Variants in STK32C observed in about 807,000 individuals in gnomAD.
STK32C encodes serine/threonine kinase 32C.
A neutral mutation model predicts 56.5 loss-of-function variants in STK32C; 31 were observed. The ratio of observed to expected loss-of-function variants is 0.55; its 90% CI spans 0.41 to 0.74. The LOEUF is 0.74. Among genes scored for constraint, STK32C ranks in the 30% least tolerant of loss-of-function variants. The pLI, the probability that STK32C is intolerant of heterozygous loss-of-function variation, is 0.00. For missense variants in STK32C, 544 were observed against 676.9 expected, an observed-to-expected ratio of 0.80 and a Z score of 2.18; for synonymous variants, 309 against 289.4, an observed-to-expected ratio of 1.07 and a Z score of -0.69.
chr10:132,290,994 C>T (rs1475452774), intron 1 of STK32C, among the ~76,000 whole-genome samples: 1 of 152,246 alleles, frequency 6.6e-6, no homozygotes, highest in Non-Finnish European at 1.5e-5. Context: ...GCTGCCTTGG[C>T]TCTCCCCTGC....
upstream of STK32C, among the ~76,000 whole-genome samples, chr10:132,308,592 C>A: frequency 6.6e-6 from 1 of 151,918 alleles, no homozygotes; most frequent in Admixed American, 6.5e-5. Flanking sequence ...CAGGGCGGGC[C>A]TGGCTGCGCG....
chr10:132,224,472 A>T lies in STK32C; in HGVS notation c.928T>A (p.Phe310Ile). 1 of 1,580,698 alleles carries T rather than the reference A, an allele frequency of 6.3e-7. No individual in the cohort carries two copies. Among genetic ancestry groups the T allele is most frequent in the Non-Finnish European group, 8.6e-7 (1 of 1,163,482 alleles). ...SNAVESLVQL[F>I]STVSVQYVPT... ...ACATACTGGACGCTCACGGTGCTGA[A>T]CAGCTGCACCAGGGACTCCACGGCG... Residue 310 changes from phenylalanine to isoleucine, a missense_variant, in exon 8 of 12, where the codon TTC becomes ATC. Phe to Ile is a conservative substitution (Grantham distance 21). Coordinates refer to ENST00000298630, the MANE Select transcript of STK32C (RefSeq NM_173575.4).
rs1390199890 is a variant in STK32C, at chr10:132,259,409, G to A, written c.263-13454C>T. On this transcript the variant is annotated intron_variant, in intron 1 of 11. Coordinates refer to ENST00000298630, the MANE Select transcript of STK32C (RefSeq NM_173575.4). ...TGGGAGGTGACTGGGTCAACGGGGC[G>A]GAGATCCCCCTTGCTGTTCTCGTGA... 1.1e-4 allele frequency among the ~76,000 whole-genome samples: 17 copies of A among 152,134 alleles called. 1 individual carries two copies. The highest frequency in any genetic ancestry group is 4.1e-4 in the African/African-American group (17 of 41,426).
chr10:132,292,164 A>C (rs999150350), intron 1 of STK32C, among the ~76,000 whole-genome samples: 2 of 152,162 alleles, frequency 1.3e-5, no homozygotes, highest in Non-Finnish European at 2.9e-5. Flanking sequence ...TTGGAGGCAG[A>C]CTGCCACCCT....
chr10:132,318,343 C>T (rs1296247995), intron 1 of STK32C, among the ~76,000 whole-genome samples: 1 of 151,792 alleles, frequency 6.6e-6, no homozygotes, highest in Non-Finnish European at 1.5e-5. Flanking sequence ...AAACCAGGCA[C>T]GGTGGCTCAC....
Position 132,307,798 on chromosome 10 carries a change from G to T in STK32C, c.36C>A (p.Ala12=). The part of the protein sequence containing the change: ...RSGAERRGSS[A]AASPGSPPPG... Reference sequence around the variant, plus strand: ...GGGGCGGCGAGCCCGGGGACGCCGCGGCGCTGCTGCCCCTGCGCTCGGCGC... The same window carrying T: ...GGGGCGGCGAGCCCGGGGACGCCGCTGCGCTGCTGCCCCTGCGCTCGGCGC... Residue 12 remains alanine, a synonymous_variant, in exon 1 of 12, where the codon GCC becomes GCA. Coordinates refer to ENST00000298630, the MANE Select transcript of STK32C (RefSeq NM_173575.4). This position sits in a 1 kb window ranked among gnomAD's most constrained non-coding sequence, Gnocchi z 4.4. The T allele has an allele frequency of 1.0e-6, 1 of 1,001,464 alleles. No homozygotes were observed. The highest frequency in any genetic ancestry group is 4.2e-5 in the South Asian group (1 of 24,046). The allele number at this position is 1,001,464 out of a possible 1,614,324, so 62.0% of individuals were successfully genotyped here.
At chr10:132,245,501 G>A (rs1184729733) in intron 2 of STK32C, among the ~76,000 whole-genome samples, 1 of 152,256 alleles carries the variant, frequency 6.6e-6, no homozygotes, top group Non-Finnish European at 1.5e-5. Flanking sequence ...CACTCTGGAC[G>A]GGGCTGGAGA....
At chr10:132,325,460 G>A (rs1441015773) in intron 1 of STK32C, among the ~76,000 whole-genome samples, 2 of 151,764 alleles carry the variant, frequency 1.3e-5, no homozygotes, top group African/African-American at 4.8e-5. Flanking sequence ...GGCTGAGGCA[G>A]GAGAATGGCG....
At chr10:132,230,356 A>G (rs1045170596) in intron 2 of STK32C, among the ~76,000 whole-genome samples, 2 of 152,144 alleles carry the variant, frequency 1.3e-5, no homozygotes, top group Non-Finnish European at 2.9e-5. Flanking sequence ...CCTTCCTCCC[A>G]TGCACACGGC....
At chr10:132,329,862 T>C (rs2066603318) in intron 1 of STK32C, among the ~76,000 whole-genome samples, 1 of 152,216 alleles carries the variant, frequency 6.6e-6, no homozygotes, top group Non-Finnish European at 1.5e-5. Flanking sequence ...AACCAACTTA[T>C]ACTCAGAAAT....
At chr10:132,288,005 C>T (rs974769000) in intron 1 of STK32C, among the ~76,000 whole-genome samples, 19 of 151,860 alleles carry the variant, frequency 1.3e-4, no homozygotes, top group African/African-American at 4.4e-4. Flanking sequence ...GACGGCCATA[C>T]AGGTCAACAG....
intron 1 of STK32C, among the ~76,000 whole-genome samples, chr10:132,278,942 G>A (rs966154845): frequency 1.1e-4 from 16 of 152,010 alleles, no homozygotes; most frequent in African/African-American, 3.6e-4. Flanking sequence ...TGTCAGACCC[G>A]AGACTGCCCT....
intron 1 of STK32C, among the ~76,000 whole-genome samples, chr10:132,316,827 T>C (rs1170498971): frequency 6.6e-6 from 1 of 152,074 alleles, no homozygotes; most frequent in Non-Finnish European, 1.5e-5. Flanking sequence ...AGGCAAAGGC[T>C]GGTGGATCAC....
intron 1 of STK32C, among the ~76,000 whole-genome samples, chr10:132,265,224 C>CTCA (rs2064472469): frequency 1.0e-4 from 13 of 127,214 alleles, no homozygotes; most frequent in African/African-American, 4.6e-4. Context: ...GGGGAGCTGC[C>CTCA]AGGGCAGCGA....
At chr10:132,262,651 G>A (rs887725284) in intron 1 of STK32C, among the ~76,000 whole-genome samples, 2 of 150,578 alleles carry the variant, frequency 1.3e-5, no homozygotes, top group African/African-American at 2.4e-5. Flanking sequence ...AGTGGCTCAC[G>A]CCTGTAATCC....
intron 2 of STK32C, among the ~76,000 whole-genome samples, chr10:132,229,416 G>A (rs1405611018): frequency 6.6e-6 from 1 of 152,234 alleles, no homozygotes; most frequent in African/African-American, 2.4e-5. Flanking sequence ...AGGATTGCTT[G>A]AGCCTGAGAG....
At chr10:132,273,840 A>G (rs796364954) in intron 1 of STK32C, among the ~76,000 whole-genome samples, 10,852 of 128,530 alleles carry the variant, frequency 0.084, 439 homozygotes, top group African/African-American at 0.13. Context: ...GAATGAGTGA[A>G]TGAACGCACA....
At chr10:132,301,872 C>T (rs560576114) in intron 1 of STK32C, among the ~76,000 whole-genome samples, 14 of 152,352 alleles carry the variant, frequency 9.2e-5, no homozygotes, top group Admixed American at 7.8e-4. Flanking sequence ...ATCGGGAGCC[C>T]GGGCCAAGGG....
intron 1 of STK32C, among the ~76,000 whole-genome samples, chr10:132,259,982 T>C (rs1409675078): frequency 1.3e-5 from 2 of 151,996 alleles, no homozygotes; most frequent in Non-Finnish European, 2.9e-5. Flanking sequence ...GTGTTCTACA[T>C]GGGCTCCAGA....
Sources: gnomAD v4.1 joint callset for allele counts (sites outside exome capture counted in the v4.1 genomes callset) on GRCh38, gnomAD v4.1.1 for gene constraint, Gnocchi (gnomAD v3.1) non-coding constraint, MANE v1.5 for transcripts, NCBI Gene and HGNC (gene_info 2026-07-23, HGNC 2026-07-21) for gene names.